The following EPHA6 variants were observed in gnomAD, a reference collection of about 807,000 sequenced individuals.
The protein encoded by EPHA6 is ephrin type-A receptor 6.
A neutral mutation model predicts 112.0 loss-of-function variants in EPHA6; 50 were observed. The ratio of observed to expected loss-of-function variants is 0.45; its 90% confidence interval spans 0.36 to 0.56. EPHA6 has a LOEUF of 0.56. EPHA6 is among the 20% of genes least tolerant of loss of function. The pLI, the probability that EPHA6 is intolerant of heterozygous loss-of-function variation, is 0.00. For synonymous variants in EPHA6, 529 were observed against 490.7 expected (o/e 1.08, Z -1.03); for missense variants, 1,280 against 1,417.4 (o/e 0.90, Z 1.56).
At chr3:97,682,584 T>C (rs1303749526) in intron 14 of EPHA6, among the ~76,000 whole-genome samples, 1 of 152,162 alleles carries the variant, frequency 6.6e-6, no homozygotes, top group Non-Finnish European at 1.5e-5. Context: ...ATTGCTCATC[T>C]TGAAAATCCT....
At chr3:97,268,484 GT>G (rs1357919046) in intron 5 of EPHA6, among the ~76,000 whole-genome samples, 1 of 152,150 alleles carries the variant, frequency 6.6e-6, no homozygotes, top group Non-Finnish European at 1.5e-5. Flanking sequence ...ATTTAAGTGA[GT>G]TATAAAACAA....
intron 5 of EPHA6, among the ~76,000 whole-genome samples, chr3:97,314,989 T>C (rs558812589): frequency 6.6e-6 from 1 of 151,776 alleles, no homozygotes; most frequent in South Asian, 2.1e-4. Context: ...AAATCACCAC[T>C]TCAAAAGTCA....
chr3:97,036,963 C>T (rs2045122105), intron 3 of EPHA6, among the ~76,000 whole-genome samples: 1 of 151,896 alleles, frequency 6.6e-6, no homozygotes, highest in African/African-American at 2.4e-5. Context: ...TGGAGAATTC[C>T]ATGGCCATTG....
At chr3:97,418,963 T>C (rs1214253515) in intron 6 of EPHA6, among the ~76,000 whole-genome samples, 2 of 152,152 alleles carry the variant, frequency 1.3e-5, no homozygotes, top group African/African-American at 2.4e-5. Flanking sequence ...AATGCCCTTA[T>C]TGGAAAGTAA....
At chr3:96,845,373 G>A (rs994204322) in intron 1 of EPHA6, among the ~76,000 whole-genome samples, 2 of 151,992 alleles carry the variant, frequency 1.3e-5, no homozygotes, top group African/African-American at 4.8e-5. Context: ...ATTCAGCAGT[G>A]TGGCTCATAT....
chr3:97,532,440 T>G lies in EPHA6; in HGVS notation c.2283T>G (p.Gly761=). The change falls in exon 11 of 18, where the codon GGT becomes GGG. Residue 761 remains glycine (G), a synonymous_variant. Transcript: ENST00000389672. The stretch of plus-strand genomic sequence containing the variant: ...CAGTTGCCATTAAAACTTTGAAAGG[T>G]GGCCACATGGATCGGCAAAGAAGAG... ...EIPVAIKTLK[G]GHMDRQRRDF... is the part of the protein sequence containing the mutation. 6.2e-7 allele frequency: 1 copy of G among 1,612,610 alleles called. No homozygotes were observed. Among genetic ancestry groups the G allele is most frequent in the South Asian group, 1.1e-5 (1 of 91,030 alleles).
chr3:97,306,670 A>G (rs1200366324), intron 5 of EPHA6, among the ~76,000 whole-genome samples: 1 of 151,872 alleles, frequency 6.6e-6, no homozygotes, highest in Non-Finnish European at 1.5e-5. Context: ...AGTTTCTCAC[A>G]GTAGTTTCTG....
intron 3 of EPHA6, among the ~76,000 whole-genome samples, chr3:97,174,073 C>G (rs761193991): frequency 1.3e-5 from 2 of 149,778 alleles, no homozygotes; most frequent in Non-Finnish European, 3.0e-5. Context: ...ATCTTTCTAC[C>G]CTGTATGTTC....
intron 6 of EPHA6, among the ~76,000 whole-genome samples, chr3:97,444,467 T>C (rs971274748): frequency 6.6e-5 from 10 of 152,260 alleles, no homozygotes; most frequent in Middle Eastern, 6.8e-3. Flanking sequence ...AATTGCTAGG[T>C]AGAACGTTGG....
At chr3:97,475,506 C>T (rs1192646251) in intron 8 of EPHA6, 46 bp downstream of exon 8, 1 of 1,323,228 alleles carries the variant, frequency 7.6e-7, no homozygotes, top group Non-Finnish European at 1.1e-6. Flanking sequence ...TGAATAACCA[C>T]TCTTTTTATA....
intron 5 of EPHA6, among the ~76,000 whole-genome samples, chr3:97,329,940 T>A (rs1559890637): frequency 6.6e-6 from 1 of 152,158 alleles, no homozygotes; most frequent in African/African-American, 2.4e-5. Context: ...CTAGGGTTTT[T>A]ATGGTTTTAG....
intron 3 of EPHA6, among the ~76,000 whole-genome samples, chr3:97,191,210 A>AT (rs35287620): frequency 7.2e-5 from 11 of 152,040 alleles, no homozygotes; most frequent in African/African-American, 2.7e-4. Context: ...AGGTATATAT[A>AT]TTTTTGGGGT....
At chr3:97,365,772 C>CA (rs1252019127) in intron 5 of EPHA6, among the ~76,000 whole-genome samples, 2 of 152,142 alleles carry the variant, frequency 1.3e-5, no homozygotes, top group African/African-American at 4.8e-5. Flanking sequence ...TTCATGTAAA[C>CA]AATTCCTGAC....
At chr3:97,208,108 G>T (rs985739321) in intron 3 of EPHA6, among the ~76,000 whole-genome samples, 2 of 152,156 alleles carry the variant, frequency 1.3e-5, no homozygotes, top group Non-Finnish European at 2.9e-5. Context: ...AATCTCGAGT[G>T]TCTGCTGTTG....
At chr3:97,056,115 A>T (rs1330851006) in intron 3 of EPHA6, among the ~76,000 whole-genome samples, 1 of 152,154 alleles carries the variant, frequency 6.6e-6, no homozygotes, top group Non-Finnish European at 1.5e-5. Context: ...ATCGAGATTA[A>T]TGCTTTACAC....
intron 5 of EPHA6, among the ~76,000 whole-genome samples, chr3:97,286,149 T>G (rs1193992743): frequency 6.6e-6 from 1 of 152,198 alleles, no homozygotes; most frequent in Non-Finnish European, 1.5e-5. Flanking sequence ...CATTAGTTTC[T>G]AGTCAGGTGA....
chr3:97,725,396 T>C (rs2034715989), intron 15 of EPHA6, among the ~76,000 whole-genome samples: 1 of 152,002 alleles, frequency 6.6e-6, no homozygotes, highest in Non-Finnish European at 1.5e-5. Context: ...CACTTAGAGG[T>C]GGTCAGAGCA....
chr3:97,392,162 A>ATTTTGAATTAATTTTGAAAAGATAT (rs2086443645), intron 5 of EPHA6, among the ~76,000 whole-genome samples: 1 of 151,840 alleles, frequency 6.6e-6, no homozygotes, highest in Non-Finnish European at 1.5e-5. Context: ...AAAAGTATTA[A>ATTTTGAATTAATTTTGAAAAGATAT]CATTTTGAAT....
Position 96,987,406 on chromosome 3 carries a change from A to C in EPHA6, c.527A>C (p.Asn176Thr), listed in dbSNP as rs1225750569. ...CAGGTATGTAATGTAATGGAACCAAACCAAAACAACTGGCTTCGTACAAAC... is the reference window on the plus strand; with the variant it reads ...CAGGTATGTAATGTAATGGAACCAACCCAAAACAACTGGCTTCGTACAAAC... ...TYQVCNVMEP[N>T]QNNWLRTNWI... The change falls in exon 3 of 18, where the codon AAC (asparagine) becomes ACC (threonine). Residue 176 changes from asparagine (N) to threonine (T), a missense_variant. This residue lies in a region of EPHA6 where 878 missense variants were observed against 999.7 expected (regional missense o/e 0.88). Coordinates refer to ENST00000389672, the MANE Select transcript of EPHA6 (RefSeq NM_001080448.3). 6.2e-7 allele frequency: 1 copy of C among 1,613,822 alleles called. No individual in the cohort carries two copies. The highest frequency in any genetic ancestry group is 2.2e-5 in the East Asian group (1 of 44,894).
Sources: gnomAD v4.1 joint callset for allele counts (sites outside exome capture counted in the v4.1 genomes callset) on GRCh38, gnomAD v4.1.1 for gene constraint, gnomAD v4.1.1 regional missense constraint, MANE v1.5 for transcripts, NCBI Gene and HGNC (gene_info 2026-07-23, HGNC 2026-07-21) for gene names.